The following IQCE variants were observed in gnomAD, a reference collection of about 807,000 sequenced individuals.
The protein encoded by IQCE is IQ motif containing E.
In IQCE, 115 loss-of-function variants were observed where a neutral mutation model predicts 96.0. The observed-to-expected ratio is 1.20, with a 90% CI of 1.03 to 1.40. The LOEUF (loss-of-function observed/expected upper bound fraction) is 1.40, where lower values mean the gene tolerates loss of function less well. Among genes scored for constraint, IQCE ranks in the 40% most tolerant of loss-of-function variants. The pLI, the probability that IQCE is intolerant of heterozygous loss-of-function variation, is 0.00. For missense variants in IQCE, 1,041 were observed against 909.1 expected, an observed-to-expected ratio of 1.15 and a Z score of -1.87; for synonymous variants, 412 against 371.2, an observed-to-expected ratio of 1.11 and a Z score of -1.26.
intron 8 of IQCE, among the ~76,000 whole-genome samples, chr7:2,579,173 G>A (rs987850922): frequency 1.3e-5 from 2 of 152,158 alleles, no homozygotes; most frequent in Non-Finnish European, 2.9e-5. Context: ...ATGGAAGCAG[G>A]GAAGATGTTG....
At position 2,610,325 on chromosome 7, in the gene IQCE, C is replaced by G; in HGVS notation, c.*163C>G. The G allele has an allele frequency of 3.4e-6, 2 of 596,188 alleles. No individual in the cohort carries two copies. The highest frequency in any genetic ancestry group is 6.1e-6 in the Non-Finnish European group (2 of 329,516). The allele number at this position is 596,188 out of a possible 1,614,324, so 36.9% of individuals were successfully genotyped here. A position where few individuals can be genotyped will look rare whatever the true frequency, so the allele number is the denominator to read the frequency against. ...GTGCTTTTGTTTGTGGAAGGAGACC[C>G]AAATGCCTTTACTTTATTCTCTGGG... is the stretch of plus-strand genomic sequence containing the variant. On this transcript the variant is annotated 3_prime_UTR_variant, in exon 22 of 22. Transcript: ENST00000402050.
At chr7:2,582,019 G>C (rs762259641) in intron 8 of IQCE, 1 of 465,352 alleles carries the variant, frequency 2.1e-6, no homozygotes, top group South Asian at 1.6e-5. Flanking sequence ...GCAAAAGAAT[G>C]TTCTTTAAAG....
intron 21 of IQCE, 34 bp from the exon 22 acceptor site, chr7:2,610,010 G>C (rs771767629): frequency 8.3e-7 from 1 of 1,211,086 alleles, no homozygotes; most frequent in East Asian, 2.3e-5. Context: ...AGGTCAGCGT[G>C]GCTGACCCCT....
chr7:2,597,043 G>C (rs573288941), intron 16 of IQCE: 56 of 471,358 alleles, frequency 1.2e-4, no homozygotes, highest in African/African-American at 1.0e-3. Context: ...GGCACGCAAG[G>C]CCACGCAGGA....
rs568662697 is a variant in IQCE, at chr7:2,612,385, T to C, written c.*2223T>C. The C allele has an allele frequency of 6.6e-6, 1 of 152,218 alleles. No individual in the cohort carries two copies. The highest frequency in any genetic ancestry group is 2.4e-5 in the African/African-American group (1 of 41,324). The allele number at this position is 152,218 out of a possible 1,614,324, so 9.4% of individuals were successfully genotyped here. A position where few individuals can be genotyped will look rare whatever the true frequency, so the allele number is the denominator to read the frequency against. ...TACAGCCTGCCTGGCTGTTCTGTGG[T>C]CCTGGAACGCTGCAGTGTGGTTTTG... On this transcript the variant is annotated 3_prime_UTR_variant, in exon 22 of 22. Transcript: ENST00000402050.
At chr7:2,560,321 G>A (rs1290998165) in intron 1 of IQCE, among the ~76,000 whole-genome samples, 2 of 152,276 alleles carry the variant, frequency 1.3e-5, no homozygotes, top group African/African-American at 2.4e-5. Context: ...TGACTATGGG[G>A]AGTCCTGCTG....
intron 1 of IQCE, among the ~76,000 whole-genome samples, chr7:2,562,201 A>G (rs2128425393): frequency 6.6e-6 from 1 of 151,752 alleles, no homozygotes; most frequent in South Asian, 2.1e-4. Context: ...TGATTTTTGT[A>G]TGTTAAACCA....
At chr7:2,607,826 A>G (rs1784940699) in intron 21 of IQCE, among the ~76,000 whole-genome samples, 1 of 152,090 alleles carries the variant, frequency 6.6e-6, no homozygotes, top group Admixed American at 6.6e-5. Flanking sequence ...GAAACCCCCC[A>G]TTGACACCTC....
chr7:2,595,935 C>G (rs1336720697), intron 16 of IQCE, among the ~76,000 whole-genome samples: 1 of 152,234 alleles, frequency 6.6e-6, no homozygotes. Context: ...CTCACCATGG[C>G]CGGCGCTGCC....
Position 2,559,007 on chromosome 7 carries a change from A to C in IQCE, c.-175A>C, listed in dbSNP as rs1333766834. 10 of 330,948 alleles carry C rather than the reference A, an allele frequency of 3.0e-5. No individual in the cohort carries two copies. The highest frequency in any genetic ancestry group is 5.4e-5 in the Non-Finnish European group (10 of 186,146). The allele number at this position is 330,948 out of a possible 1,614,324, so 20.5% of individuals were successfully genotyped here. ...CACGCGCATGGTCGCCCCAGGGGGA[A>C]CGCAGGTCGCTTACCCGGCTGGGTA... On this transcript the variant is annotated 5_prime_UTR_variant, in exon 1 of 22. Transcript: ENST00000402050.
At chr7:2,606,179 A>C (rs1319619329) in intron 20 of IQCE, among the ~76,000 whole-genome samples, 182 bp downstream of exon 20, 1 of 152,194 alleles carries the variant, frequency 6.6e-6, no homozygotes, top group Admixed American at 6.5e-5. Context: ...TCCCTGCTGC[A>C]CCACGGACGT....
At position 2,569,010 on chromosome 7, in the gene IQCE, C is replaced by T. The variant is rs566575196; in HGVS notation, c.130+11C>T. On this transcript the variant is annotated intron_variant, in intron 3 of 21. Coordinates refer to ENST00000402050, the MANE Select transcript of IQCE (RefSeq NM_152558.5). ...CACCCACATCGCCAAGTAAGTATGA[C>T]GAGGCCTGCCTTCCCTCTCACGCCG... 2.2e-5 allele frequency: 35 copies of T among 1,613,256 alleles called. 1 individual carries two copies. Among genetic ancestry groups the T allele is most frequent in the Middle Eastern group, 3.3e-4 (2 of 6,056 alleles).
chr7:2,586,393 C>G (rs978438467), intron 12 of IQCE, 22 bp downstream of exon 12: 1 of 1,560,188 alleles, frequency 6.4e-7, no homozygotes, highest in Non-Finnish European at 8.6e-7. Flanking sequence ...AAAGCCACTC[C>G]AGGAGGGAGG....
chr7:2,594,906 C>T lies in IQCE; in HGVS notation c.1370C>T (p.Thr457Ile), dbSNP rs748365290. ...EVLREEIQTL[T>I]SKLQELQEMK... is the part of the protein sequence containing the mutation. ...CTTAGAGAGGAGATTCAGACACTTA[C>T]CAGCAAGCTCCAAGAATTGCAAGAA... Residue 457 changes from threonine to isoleucine, a missense_variant, in exon 16 of 22, where the codon ACC becomes ATC. Physicochemically the swap from Thr to Ile is moderately conservative, Grantham distance 89. Transcript: ENST00000402050. 6.2e-7 allele frequency: 1 copy of T among 1,611,524 alleles called. No homozygotes were observed. The highest frequency in any genetic ancestry group is 1.3e-5 in the African/African-American group (1 of 74,976).
chr7:2,610,272 C>A lies in IQCE; in HGVS notation c.*110C>A. ...GAGAAGAACGATGATACCTACTTAACACCTCAGCATCTGCGTCGTGTCTCT... is the reference window on the plus strand; with the variant it reads ...GAGAAGAACGATGATACCTACTTAAAACCTCAGCATCTGCGTCGTGTCTCT... On this transcript the variant is annotated 3_prime_UTR_variant, in exon 22 of 22. Transcript: ENST00000402050. 1 of 732,958 alleles carries A rather than the reference C, an allele frequency of 1.4e-6. No homozygotes were observed. Among genetic ancestry groups the A allele is most frequent in the Non-Finnish European group, 2.5e-6 (1 of 402,720 alleles). 45.4% of individuals were successfully genotyped at this position (732,958 alleles called of 1,614,324 possible). A position where few individuals can be genotyped will look rare whatever the true frequency, so the allele number is the denominator to read the frequency against.
chr7:2,576,938 A>T (rs982033900), intron 6 of IQCE, among the ~76,000 whole-genome samples: 6 of 152,106 alleles, frequency 3.9e-5, no homozygotes, highest in Non-Finnish European at 8.8e-5. Context: ...TGTTGGCGGT[A>T]TTCGTTTAGG....
intron 11 of IQCE, 116 bp downstream of exon 11, chr7:2,584,401 G>GTTGGCAGCA: frequency 1.1e-6 from 1 of 930,530 alleles, no homozygotes; most frequent in Non-Finnish European, 1.8e-6. Flanking sequence ...GCTTGGCAGT[G>GTTGGCAGCA]CTGCCAACAC....
intron 16 of IQCE, chr7:2,597,032 G>A (rs1348023592): frequency 2.1e-6 from 1 of 471,358 alleles, no homozygotes; most frequent in African/African-American, 2.0e-5. Context: ...ACAGGAGGCA[G>A]GGCACGCAAG....
At chr7:2,572,857 A>G (rs1237457340) in intron 5 of IQCE, 2 of 404,108 alleles carry the variant, frequency 4.9e-6, no homozygotes, top group Non-Finnish European at 9.6e-6. Flanking sequence ...CTCTTTATCC[A>G]CGTGTTTCCC....
Sources: gnomAD v4.1 joint callset for allele counts (sites outside exome capture counted in the v4.1 genomes callset) on GRCh38, gnomAD v4.1.1 for gene constraint, MANE v1.5 for transcripts, NCBI Gene and HGNC (gene_info 2026-07-23, HGNC 2026-07-21) for gene names.